Variants in NDUFC2 observed in about 807,000 individuals in gnomAD.
NDUFC2 encodes NADH dehydrogenase [ubiquinone] 1 subunit C2.
Under a neutral mutation model 10.1 loss-of-function variants are expected in NDUFC2, and 2 were observed. That is an observed-to-expected ratio of 0.20 (90% confidence interval 0.08 to 0.62). The LOEUF (loss-of-function observed/expected upper bound fraction) is 0.62, where lower values mean the gene tolerates loss of function less well. Among genes scored for constraint, NDUFC2 ranks in the 20% least tolerant of loss-of-function variants. The probability of loss-of-function intolerance (pLI) is 0.87; values close to 1 mark genes in which losing one functional copy is unlikely to be tolerated. For synonymous variants in NDUFC2, 61 were observed against 63.6 expected (o/e 0.96, Z 0.20); for missense variants, 156 against 159.6 (o/e 0.98, Z 0.12).
At chr11:78,077,434 A>ACT (rs1246508409) in intron 1 of NDUFC2, among the ~76,000 whole-genome samples, 2 of 152,238 alleles carry the variant, frequency 1.3e-5, no homozygotes, top group Non-Finnish European at 2.9e-5. Context: ...CTCAATTCTC[A>ACT]CAACAAATAT....
chr11:78,072,944 C>T, intron 2 of NDUFC2, 54 bp downstream of exon 2: 1 of 1,588,716 alleles, frequency 6.3e-7, no homozygotes, highest in Non-Finnish European at 8.5e-7. Context: ...TAAGATTAAC[C>T]AGGGAAAATA....
At chr11:78,072,053 G>C (rs1315921264) in intron 2 of NDUFC2, among the ~76,000 whole-genome samples, 1 of 152,242 alleles carries the variant, frequency 6.6e-6, no homozygotes, top group Non-Finnish European at 1.5e-5. Flanking sequence ...TCATATGGTA[G>C]ATAAGAATGT....
intron 1 of NDUFC2, among the ~76,000 whole-genome samples, chr11:78,075,415 C>T (rs981046307): frequency 6.6e-6 from 1 of 152,024 alleles, no homozygotes; most frequent in Non-Finnish European, 1.5e-5. Context: ...TCCCATTTGC[C>T]CCAGTTTCAA....
In NDUFC2 at chr11:78,079,858, G is replaced by A. The variant is rs949205038; in HGVS notation, c.-114C>T. 3.4e-5 allele frequency: 48 copies of A among 1,418,584 alleles called. No homozygotes were observed. Among genetic ancestry groups the A allele is most frequent in the Non-Finnish European group, 4.2e-5 (45 of 1,073,590 alleles). 87.9% of individuals were successfully genotyped at this position (1,418,584 alleles called of 1,614,324 possible). On this transcript the variant is annotated 5_prime_UTR_variant, in exon 1 of 3. Transcript: ENST00000281031. ...CTTTCTCCTCCTCCTCTGCGCGCCGGACTCACGGGCACGGCGCAGCGCGGT... is the reference window on the plus strand; with the variant it reads ...CTTTCTCCTCCTCCTCTGCGCGCCGAACTCACGGGCACGGCGCAGCGCGGT...
At chr11:78,078,727 G>GGTTTTTTTTTTTTT (rs1565334734) in intron 1 of NDUFC2, among the ~76,000 whole-genome samples, 1 of 19,748 alleles carries the variant, frequency 5.1e-5, no homozygotes, top group Admixed American at 7.0e-4. Context: ...ATCAGGATCC[G>GGTTTTTTTTTTTTT]CTTTTTTTTT....
intron 1 of NDUFC2, among the ~76,000 whole-genome samples, chr11:78,075,323 T>G (rs1262487224): frequency 6.6e-6 from 1 of 152,198 alleles, no homozygotes; most frequent in Non-Finnish European, 1.5e-5. Flanking sequence ...TAATAATTTG[T>G]TGTATAGTTC....
At position 78,079,685 on chromosome 11, in the gene NDUFC2, C is replaced by A; in HGVS notation, c.60G>T (p.Leu20=). The stretch of plus-strand genomic sequence containing the variant: ...GCGGGTCGGTCAGCTTGGGCGGGGG[C>A]AGGCTCCGGGCCTCATCCGGCAGAA... ...LRFLPDEARS[L]PPPKLTDPRL... Residue 20 remains leucine (L), a synonymous_variant, in exon 1 of 3, where the codon CTG becomes CTT. Coordinates refer to ENST00000281031, the MANE Select transcript of NDUFC2 (RefSeq NM_004549.6). 6.2e-7 allele frequency: 1 copy of A among 1,609,888 alleles called. No individual in the cohort carries two copies. Among genetic ancestry groups the A allele is most frequent in the Non-Finnish European group, 8.5e-7 (1 of 1,178,432 alleles).
chr11:78,069,724 C>A lies in NDUFC2; in HGVS notation c.*263G>T. On this transcript the variant is annotated 3_prime_UTR_variant, in exon 3 of 3. Coordinates refer to ENST00000281031, the MANE Select transcript of NDUFC2 (RefSeq NM_004549.6). The stretch of plus-strand genomic sequence containing the variant: ...CAATGAGACTTTATTGGCAGTGGGC[C>A]AGATTTGGGTAGTCTGCTAACTCTA... 5 of 692,608 alleles carry A rather than the reference C, an allele frequency of 7.2e-6. No homozygotes were observed. The highest frequency in any genetic ancestry group is 9.5e-6 in the Non-Finnish European group (4 of 421,300). 42.9% of individuals were successfully genotyped at this position (692,608 alleles called of 1,614,324 possible).
At chr11:78,075,089 C>T (rs1011520843) in intron 1 of NDUFC2, among the ~76,000 whole-genome samples, 6 of 152,238 alleles carry the variant, frequency 3.9e-5, no homozygotes, top group African/African-American at 7.2e-5. Flanking sequence ...AGTCTAACCC[C>T]GGCAGCTATT....
Position 78,069,496 on chromosome 11 carries a change from G to T in NDUFC2, c.*491C>A, listed in dbSNP as rs759410725. 1 of 214,438 alleles carries T rather than the reference G, an allele frequency of 4.7e-6. No homozygotes were observed. Among genetic ancestry groups the T allele is most frequent in the South Asian group, 1.2e-4 (1 of 8,324 alleles). 13.3% of individuals were successfully genotyped at this position (214,438 alleles called of 1,614,324 possible). ...TACAGGATGAAGTCAAAATTATTTG[G>T]CAAGAGTCACAGAATCCTCCATAAT... On this transcript the variant is annotated 3_prime_UTR_variant, in exon 3 of 3. Coordinates refer to ENST00000281031, the MANE Select transcript of NDUFC2 (RefSeq NM_004549.6).
chr11:78,072,615 G>T (rs1859057974), intron 2 of NDUFC2, among the ~76,000 whole-genome samples: 1 of 152,254 alleles, frequency 6.6e-6, no homozygotes, highest in Non-Finnish European at 1.5e-5. Context: ...GGTAGTGGGA[G>T]AGGAGAGTTC....
In NDUFC2 at chr11:78,068,919, G is replaced by A. The variant is rs1266134323; in HGVS notation, c.*1068C>T. 1 of 151,908 alleles carries A rather than the reference G, an allele frequency of 6.6e-6. No homozygotes were observed. Among genetic ancestry groups the A allele is most frequent in the Non-Finnish European group, 1.5e-5 (1 of 68,012 alleles). The allele number at this position is 151,908 out of a possible 1,614,324, so 9.4% of individuals were successfully genotyped here. A position where few individuals can be genotyped will look rare whatever the true frequency, so the allele number is the denominator to read the frequency against. ...GGGGTCTCCTTTGTCACCCAGGCTGGAGTGTCACCCAGGCTGCAGTGAACT... is the reference window on the plus strand; with the variant it reads ...GGGGTCTCCTTTGTCACCCAGGCTGAAGTGTCACCCAGGCTGCAGTGAACT... On this transcript the variant is annotated 3_prime_UTR_variant, in exon 3 of 3. Transcript: ENST00000281031.
intron 1 of NDUFC2, among the ~76,000 whole-genome samples, chr11:78,077,243 G>T (rs1859286765): frequency 6.6e-6 from 1 of 151,780 alleles, no homozygotes; most frequent in African/African-American, 2.4e-5. Context: ...AGTGAGCCAT[G>T]AGTGCACCAC....
At position 78,070,040 on chromosome 11, in the gene NDUFC2, T is replaced by C; in HGVS notation, c.311-4A>G. 6.5e-7 allele frequency: 1 copy of C among 1,536,024 alleles called. No homozygotes were observed. Among genetic ancestry groups the C allele is most frequent in the East Asian group, 2.3e-5 (1 of 44,440 alleles). ...ATTTCACCATATGTTTTCTTATCTA[T>C]AAAAGGAAAGATCATAAAAGATTTA... On this transcript the variant is annotated splice_polypyrimidine_tract_variant and splice_region_variant and intron_variant, in intron 2 of 2. Coordinates refer to ENST00000281031, the MANE Select transcript of NDUFC2 (RefSeq NM_004549.6).
chr11:78,069,847 C>T lies in NDUFC2; in HGVS notation c.*140G>A. ...TATTTTTCTTACAACAATAAAGAGT[C>T]AGAGTACTCATGGTACGTATTTTAA... On this transcript the variant is annotated 3_prime_UTR_variant, in exon 3 of 3. Coordinates refer to ENST00000281031, the MANE Select transcript of NDUFC2 (RefSeq NM_004549.6). 1.3e-6 allele frequency: 2 copies of T among 1,560,582 alleles called. No individual in the cohort carries two copies. The highest frequency in any genetic ancestry group is 1.8e-6 in the Non-Finnish European group (2 of 1,142,410).
At chr11:78,077,907 C>T (rs1859319317) in intron 1 of NDUFC2, among the ~76,000 whole-genome samples, 1 of 152,092 alleles carries the variant, frequency 6.6e-6, no homozygotes, top group Non-Finnish European at 1.5e-5. Context: ...TTCATTACAC[C>T]AAGTGACAGT....
chr11:78,075,530 C>T (rs1490332803), intron 1 of NDUFC2, among the ~76,000 whole-genome samples: 1 of 152,126 alleles, frequency 6.6e-6, no homozygotes, highest in African/African-American at 2.4e-5. Context: ...ACATTTCCTG[C>T]TAATTTGAAA....
intron 1 of NDUFC2, among the ~76,000 whole-genome samples, chr11:78,078,535 C>G (rs1452525064): frequency 2.0e-5 from 3 of 152,030 alleles, no homozygotes; most frequent in African/African-American, 7.2e-5. Context: ...TAGAGCTTAG[C>G]AAAGCTACTG....
intron 2 of NDUFC2, among the ~76,000 whole-genome samples, chr11:78,070,853 T>C (rs1858970514): frequency 6.6e-6 from 1 of 152,230 alleles, no homozygotes; most frequent in Non-Finnish European, 1.5e-5. Context: ...AGAAAGAGAA[T>C]GAGCCCTGAA....
Sources: gnomAD v4.1 joint callset for allele counts (sites outside exome capture counted in the v4.1 genomes callset) on GRCh38, gnomAD v4.1.1 for gene constraint, MANE v1.5 for transcripts, NCBI Gene and HGNC (gene_info 2026-07-23, HGNC 2026-07-21) for gene names.